The following SAMD10 variants were observed in gnomAD, a reference collection of about 807,000 sequenced individuals.
SAMD10 encodes sterile alpha motif domain containing 10.
Under a neutral mutation model 22.5 loss-of-function variants are expected in SAMD10, and 16 were observed. The ratio of observed to expected loss-of-function variants is 0.71; its 90% CI spans 0.48 to 1.08. SAMD10 has a LOEUF of 1.08. SAMD10 is among the 50% of genes least tolerant of loss of function. SAMD10 has a pLI of 0.00. For synonymous variants in SAMD10, 118 were observed against 122.2 expected, an observed-to-expected ratio of 0.97 and a Z score of 0.23; for missense variants, 227 against 281.3, an observed-to-expected ratio of 0.81 and a Z score of 1.38.
chr20:63,979,728 C>T (rs2059051482), upstream of SAMD10: 1 of 967,646 alleles, frequency 1.0e-6, no homozygotes, highest in Admixed American at 6.2e-5. The surrounding 1 kb of genome is among the most constrained non-coding windows in gnomAD (Gnocchi z 7.7). Flanking sequence ...CGAGGGGCGT[C>T]CGTGCGCCCC....
In SAMD10 at chr20:63,975,372, C is replaced by T. The variant is rs960096919; in HGVS notation, c.*138G>A. 4.8e-5 allele frequency: 50 copies of T among 1,039,466 alleles called. No individual in the cohort carries two copies. The highest frequency in any genetic ancestry group is 1.3e-5 in the Non-Finnish European group (9 of 692,172). 64.4% of individuals were successfully genotyped at this position (1,039,466 alleles called of 1,614,324 possible). ...AGGCGCCTGGAGGTGTGATCCTGGT[C>T]CTGTCTGTCCGTTGGGCCAGCCTGG... On this transcript the variant is annotated 3_prime_UTR_variant, in exon 5 of 5. Transcript: ENST00000369886.
intron 1 of SAMD10, among the ~76,000 whole-genome samples, chr20:63,978,013 AAC>A (rs1193727963): frequency 6.6e-6 from 1 of 152,208 alleles, no homozygotes; most frequent in East Asian, 1.9e-4. Flanking sequence ...TCACTCCGCA[AAC>A]ACGCGCTGGG....
Position 63,975,475 on chromosome 20 carries a change from C to T in SAMD10, c.*35G>A, listed in dbSNP as rs1168524700. 6.2e-7 allele frequency: 1 copy of T among 1,612,234 alleles called. No homozygotes were observed. The highest frequency in any genetic ancestry group is 1.7e-5 in the Admixed American group (1 of 59,488). On this transcript the variant is annotated 3_prime_UTR_variant, in exon 5 of 5. Transcript: ENST00000369886. ...CCTCCCTAGCCGTGGACTCCCATCA[C>T]AGTGCTGGGGTCTGGGTTCAAGCCT...
At chr20:63,976,806 TAGAAA>T (rs1335939201) in intron 3 of SAMD10, among the ~76,000 whole-genome samples, 160 bp downstream of exon 3, 2 of 124,048 alleles carry the variant, frequency 1.6e-5, no homozygotes, top group Non-Finnish European at 3.3e-5. Flanking sequence ...GGCAGAGAGA[TAGAAA>T]AGACAGATTC....
intron 1 of SAMD10, among the ~76,000 whole-genome samples, chr20:63,978,980 C>T (rs1286837624): frequency 6.6e-6 from 1 of 152,222 alleles, no homozygotes; most frequent in Non-Finnish European, 1.5e-5. Flanking sequence ...TCGGTCCGGT[C>T]CCTCCCGCCC....
intron 3 of SAMD10, 53 bp downstream of exon 3, chr20:63,976,918 A>G (rs912563526): frequency 7.6e-6 from 12 of 1,578,806 alleles, no homozygotes; most frequent in South Asian, 1.1e-5. Flanking sequence ...TGGGGAAGAG[A>G]CGCTCTGAGG....
Position 63,979,569 on chromosome 20 carries a change from C to T in SAMD10, c.-102G>A. 1.0e-6 allele frequency: 1 copy of T among 985,568 alleles called. No individual in the cohort carries two copies. Among genetic ancestry groups the T allele is most frequent in the Non-Finnish European group, 1.2e-6 (1 of 831,052 alleles). 61.1% of individuals were successfully genotyped at this position (985,568 alleles called of 1,614,324 possible). A position where few individuals can be genotyped will look rare whatever the true frequency, so the allele number is the denominator to read the frequency against. ...GCGCCGCCGCCCCGCCCCGCCCCAG[C>T]CGGCCCCGCGCCCGAGCCGGTCCCC... On this transcript the variant is annotated 5_prime_UTR_variant, in exon 1 of 5. Coordinates refer to ENST00000369886, the MANE Select transcript of SAMD10 (RefSeq NM_080621.5). This position sits in a 1 kb window ranked among gnomAD's most constrained non-coding sequence, Gnocchi z 7.7.
chr20:63,975,899 G>A (rs993388021), intron 3 of SAMD10, 67 bp from the exon 4 acceptor site: 4 of 1,458,476 alleles, frequency 2.7e-6, no homozygotes, highest in Admixed American at 5.4e-5. Flanking sequence ...CAAGGCTGGT[G>A]CCATGGCTCA....
Position 63,977,348 on chromosome 20 carries a change from G to T in SAMD10, c.150C>A (p.Ser50Arg). 6.2e-7 allele frequency: 1 copy of T among 1,613,456 alleles called. No individual in the cohort carries two copies. The highest frequency in any genetic ancestry group is 8.5e-7 in the Non-Finnish European group (1 of 1,180,036). The change falls in exon 2 of 5, where the codon AGC becomes AGA. Residue 50 changes from serine to arginine, a missense_variant. Coordinates refer to ENST00000369886, the MANE Select transcript of SAMD10 (RefSeq NM_080621.5). The surrounding 1 kb of genome is among the most constrained non-coding windows in gnomAD (Gnocchi z 5.4). ...TLLEHTVSAE[S>R]IPCHLPRTPG... ...GTGTCCGAGGCAAGTGGCAGGGGAT[G>T]CTCTCAGCTGACACCGTGTGCTCCA...
chr20:63,975,523 C>T lies in SAMD10; in HGVS notation c.596G>A (p.Gly199Glu), dbSNP rs760797912. 5 of 1,606,992 alleles carry T rather than the reference C, an allele frequency of 3.1e-6. No individual in the cohort carries two copies. The South Asian group carries it at 3.3e-5, about 11-fold the overall frequency. Reference protein sequence around the residue: ...SLQLLSQASFGKMS With the variant: ...SLQLLSQASFEKMS ...CCTCAGCAGCAGCTAGGACATTTTC[C>T]CGAAGGAAGCTGTGTGATGGAAGAG... The change falls in exon 5 of 5, where the codon GGG becomes GAG. Residue 199 changes from glycine (G) to glutamate (E), a missense_variant. By Grantham distance (98) the Gly-to-Glu change is moderately conservative. Coordinates refer to ENST00000369886, the MANE Select transcript of SAMD10 (RefSeq NM_080621.5).
upstream of SAMD10, chr20:63,979,754 G>T: frequency 1.1e-6 from 1 of 921,106 alleles, no homozygotes. This position sits in a 1 kb window ranked among gnomAD's most constrained non-coding sequence, Gnocchi z 7.7. Flanking sequence ...ACGGCTCCGC[G>T]GAGGAGAGTC....
In SAMD10 at chr20:63,976,967, G is replaced by C; in HGVS notation, c.445+4C>G. On this transcript the variant is annotated splice_donor_region_variant and intron_variant, in intron 3 of 4. Coordinates refer to ENST00000369886, the MANE Select transcript of SAMD10 (RefSeq NM_080621.5). ...CTCCCACAGCACCCTCAGCGCCACT[G>C]TACCGGTGATGGCATGCTGGGAGAA... 2 of 1,614,018 alleles carry C rather than the reference G, an allele frequency of 1.2e-6. No individual in the cohort carries two copies. Among genetic ancestry groups the C allele is most frequent in the Non-Finnish European group, 1.7e-6 (2 of 1,179,950 alleles).
At chr20:63,978,163 G>T in intron 1 of SAMD10, 1 of 502,118 alleles carries the variant, frequency 2.0e-6, no homozygotes. Flanking sequence ...CCACGGTGAT[G>T]CTCTGTGCTC....
chr20:63,975,248 C>T lies in SAMD10; in HGVS notation c.*262G>A, dbSNP rs886080179. ...GCTGCCCCACATGCTGCCAGCTGCA[C>T]CAGGGGAGGGCTTGGGCTCAGGTCC... On this transcript the variant is annotated 3_prime_UTR_variant, in exon 5 of 5. Coordinates refer to ENST00000369886, the MANE Select transcript of SAMD10 (RefSeq NM_080621.5). 2 of 524,478 alleles carry T rather than the reference C, an allele frequency of 3.8e-6. No homozygotes were observed. The highest frequency in any genetic ancestry group is 3.9e-5 in the Admixed American group (1 of 25,672). 32.5% of individuals were successfully genotyped at this position (524,478 alleles called of 1,614,324 possible).
At chr20:63,978,979 T>C (rs2059043796) in intron 1 of SAMD10, among the ~76,000 whole-genome samples, 5 of 152,020 alleles carry the variant, frequency 3.3e-5, no homozygotes, top group Admixed American at 3.3e-4. Context: ...GTCGGTCCGG[T>C]CCCTCCCGCC....
In SAMD10 at chr20:63,975,364, A is replaced by G. The variant is rs2059014548; in HGVS notation, c.*146T>C. 1.0e-6 allele frequency: 1 copy of G among 953,916 alleles called. No individual in the cohort carries two copies. The highest frequency in any genetic ancestry group is 1.6e-6 in the Non-Finnish European group (1 of 625,434). 59.1% of individuals were successfully genotyped at this position (953,916 alleles called of 1,614,324 possible). ...CCAACCAGAGGCGCCTGGAGGTGTG[A>G]TCCTGGTCCTGTCTGTCCGTTGGGC... On this transcript the variant is annotated 3_prime_UTR_variant, in exon 5 of 5. Transcript: ENST00000369886.
At position 63,977,028 on chromosome 20, in the gene SAMD10, G is replaced by T. The variant is rs537209418; in HGVS notation, c.388C>A (p.His130Asn). Residue 130 changes from histidine (H) to asparagine (N), a missense_variant, in exon 3 of 5, where the codon CAC (histidine) becomes AAC (asparagine). Transcript: ENST00000369886. This position sits in a 1 kb window ranked among gnomAD's most constrained non-coding sequence, Gnocchi z 5.4. ...TAGACGAGGTAGTTGTGGGGACAGTGCTTCTTGAGCCACTTGCAGACGTCC... is the reference window on the plus strand; with the variant it reads ...TAGACGAGGTAGTTGTGGGGACAGTTCTTCTTGAGCCACTTGCAGACGTCC... ...QQDVCKWLKK[H>N]CPHNYLVYVE... The T allele has an allele frequency of 6.2e-7, 1 of 1,614,166 alleles. No homozygotes were observed. The highest frequency in any genetic ancestry group is 8.5e-7 in the Non-Finnish European group (1 of 1,180,034).
chr20:63,978,223 C>T (rs988665234), intron 1 of SAMD10: 1 of 901,632 alleles, frequency 1.1e-6, no homozygotes, highest in African/African-American at 1.7e-5. Flanking sequence ...GCTTTGTCAT[C>T]ATCTCTGGGG....
rs780334617 is a variant in SAMD10 at position 63,977,096 on chromosome 20, G to A, written c.320C>T (p.Ser107Leu). 5.0e-6 allele frequency: 8 copies of A among 1,613,996 alleles called. No homozygotes were observed. Among genetic ancestry groups the A allele is most frequent in the South Asian group, 2.2e-5 (2 of 91,088 alleles). ...DHYGLYHTSP[S>L]LGGLTRPVVL... Reference sequence around the variant, plus strand: ...CACGGGCCGGGTCAGGCCACCCAGCGAGGGGCTTGTATGGTACAGGCCATA... The same window carrying A: ...CACGGGCCGGGTCAGGCCACCCAGCAAGGGGCTTGTATGGTACAGGCCATA... Residue 107 changes from serine (S) to leucine (L), a missense_variant, in exon 3 of 5, where the codon TCG becomes TTG. Transcript: ENST00000369886. This position sits in a 1 kb window ranked among gnomAD's most constrained non-coding sequence, Gnocchi z 5.4.
Sources: gnomAD v4.1 joint callset for allele counts (sites outside exome capture counted in the v4.1 genomes callset) on GRCh38, gnomAD v4.1.1 for gene constraint, Gnocchi (gnomAD v3.1) non-coding constraint, MANE v1.5 for transcripts, NCBI Gene and HGNC (gene_info 2026-07-23, HGNC 2026-07-21) for gene names.